DYNC2I1: variants seen among roughly 807,000 people sequenced by gnomAD.
DYNC2I1 encodes the protein dynein 2 intermediate chain 1, also known as cytoplasmic dynein 2 intermediate chain 1.
DYNC2I1 carries 89 observed loss-of-function variants against 133.4 expected under a neutral mutation model. That is an observed-to-expected ratio of 0.67 (90% CI 0.56 to 0.80). The LOEUF is 0.80. Ranked by LOEUF, DYNC2I1 falls within the 30% of genes least tolerant of loss-of-function variation. The pLI is 0.00. For synonymous variants in DYNC2I1, 504 were observed against 484.3 expected (o/e 1.04, Z -0.54); for missense variants, 1,291 against 1,314.5 (o/e 0.98, Z 0.28).
At chr7:158,865,838 C>T (rs191307046) in intron 1 of DYNC2I1, among the ~76,000 whole-genome samples, 13 of 152,172 alleles carry the variant, frequency 8.5e-5, no homozygotes, top group African/African-American at 2.7e-4. Context: ...AAGTGGGGAC[C>T]GACAGCACCG....
intron 20 of DYNC2I1, among the ~76,000 whole-genome samples, chr7:158,927,542 T>G (rs375041525): frequency 1.3e-5 from 2 of 150,736 alleles, no homozygotes; most frequent in African/African-American, 4.9e-5. Flanking sequence ...AATAATCAAA[T>G]GATATTCTGA....
At chr7:158,924,376 G>C (rs1244403428) in intron 17 of DYNC2I1, among the ~76,000 whole-genome samples, 3 of 152,228 alleles carry the variant, frequency 2.0e-5, no homozygotes, top group Non-Finnish European at 4.4e-5. Flanking sequence ...GTAGGGGTTG[G>C]GGCGCTGTGG....
At position 158,953,607 on chromosome 7, in the gene DYNC2I1, C is replaced by T. The variant is rs568180965; in HGVS notation, c.*57-2976C>T. Among the ~76,000 whole-genome samples, 55 of 152,128 alleles carry T rather than the reference C, an allele frequency of 3.6e-4. 2 individuals carry two copies. Among genetic ancestry groups the T allele is most frequent in the Admixed American group, 2.7e-3 (42 of 15,292 alleles). On this transcript the variant is annotated intron_variant and NMD_transcript_variant, in intron 4 of 4. Coordinates refer to the DYNC2I1 transcript ENST00000454771. ...CTCTACAAATAAACATAGCTGGGGG[C>T]GAATGGTGGCACACACCTCTAGTCC...
At chr7:158,897,582 T>C (rs973016714) in intron 8 of DYNC2I1, among the ~76,000 whole-genome samples, 3 of 152,224 alleles carry the variant, frequency 2.0e-5, no homozygotes, top group African/African-American at 7.2e-5. Flanking sequence ...GGATCTGCAG[T>C]GATGTCCTCT....
intron 8 of DYNC2I1, among the ~76,000 whole-genome samples, chr7:158,897,555 A>G (rs1006424891): frequency 6.6e-6 from 1 of 152,134 alleles, no homozygotes; most frequent in African/African-American, 2.4e-5. Context: ...TTACTTGATT[A>G]TCCTTTTAAT....
At chr7:158,910,488 G>A (rs1847312018) in intron 11 of DYNC2I1, among the ~76,000 whole-genome samples, 1 of 151,938 alleles carries the variant, frequency 6.6e-6, no homozygotes. Flanking sequence ...GCGATTGGCT[G>A]TGTCAGGCCT....
chr7:158,894,981 G>A (rs1845629398), intron 8 of DYNC2I1, among the ~76,000 whole-genome samples: 1 of 151,946 alleles, frequency 6.6e-6, no homozygotes, highest in Admixed American at 6.6e-5. Context: ...AGTGGAGTGG[G>A]GTGTCTGTTA....
the DYNC2I1 span, among the ~76,000 whole-genome samples, chr7:158,842,882 T>G: frequency 6.6e-6 from 1 of 152,342 alleles, no homozygotes; most frequent in Admixed American, 6.5e-5. Flanking sequence ...TATCTGTATT[T>G]TCTGTCTACA....
At chr7:158,912,389 T>C (rs1847569404) in intron 12 of DYNC2I1, among the ~76,000 whole-genome samples, 1 of 152,180 alleles carries the variant, frequency 6.6e-6, no homozygotes, top group Admixed American at 6.5e-5. Flanking sequence ...CTCAATAAAA[T>C]CCTTTTAAAA....
At chr7:158,913,853 C>T (rs903184535) in intron 13 of DYNC2I1, among the ~76,000 whole-genome samples, 5 of 152,252 alleles carry the variant, frequency 3.3e-5, no homozygotes, top group East Asian at 3.9e-4. Flanking sequence ...GGACTACAAG[C>T]GCCTGCTATC....
At chr7:158,871,975 G>T (rs1261293787) in intron 3 of DYNC2I1, among the ~76,000 whole-genome samples, 3 of 151,752 alleles carry the variant, frequency 2.0e-5, no homozygotes, top group African/African-American at 7.3e-5. Flanking sequence ...CTGTTGCGGG[G>T]TGTGTGTGTG....
intron 8 of DYNC2I1, among the ~76,000 whole-genome samples, chr7:158,898,268 G>T (rs569655279): frequency 7.2e-5 from 11 of 152,158 alleles, no homozygotes; most frequent in Non-Finnish European, 1.0e-4. Context: ...TGATGGTGCC[G>T]TGGAGTTCAG....
upstream of DYNC2I1, among the ~76,000 whole-genome samples, chr7:158,855,887 T>C (rs1327169317): frequency 1.3e-5 from 2 of 151,866 alleles, no homozygotes; most frequent in East Asian, 1.9e-4. Flanking sequence ...AGACGACATA[T>C]GGGAATATAA....
intron 7 of DYNC2I1, among the ~76,000 whole-genome samples, chr7:158,889,692 A>C (rs1563118628): frequency 3.3e-5 from 5 of 151,992 alleles, no homozygotes; most frequent in African/African-American, 7.2e-5. Flanking sequence ...ATCTATATAA[A>C]AACAACAACA....
intron 21 of DYNC2I1, among the ~76,000 whole-genome samples, chr7:158,933,498 G>T (rs3793192): frequency 6.6e-6 from 1 of 152,186 alleles, no homozygotes; most frequent in African/African-American, 2.4e-5. Context: ...CACTGCTCCT[G>T]CAGTGATAGG....
chr7:158,922,896 T>G (rs566444369), intron 16 of DYNC2I1, among the ~76,000 whole-genome samples: 6 of 152,204 alleles, frequency 3.9e-5, no homozygotes, highest in African/African-American at 1.4e-4. Context: ...CTTGCACTGT[T>G]TTGGTCCTGA....
chr7:158,947,665 G>A (rs891252251), downstream of DYNC2I1, among the ~76,000 whole-genome samples: 8 of 152,188 alleles, frequency 5.3e-5, no homozygotes, highest in African/African-American at 1.9e-4. Flanking sequence ...AGGACCATCT[G>A]CAGCTCAGTT....
chr7:158,913,043 A>G lies in DYNC2I1; in HGVS notation c.1649A>G (p.Glu550Gly), dbSNP rs1435464630. 1.2e-6 allele frequency: 2 copies of G among 1,613,672 alleles called. No individual in the cohort carries two copies. Among genetic ancestry groups the G allele is most frequent in the Non-Finnish European group, 1.7e-6 (2 of 1,179,714 alleles). Residue 550 changes from glutamate to glycine, a missense_variant, in exon 13 of 25, where the codon GAG becomes GGG. Glu to Gly is a moderately conservative substitution (Grantham distance 98, BLOSUM62 -2). Transcript: ENST00000407559. ...VERDIQTEEIETREVWTQHPG... is the reference protein window; with the variant it reads ...VERDIQTEEIGTREVWTQHPG... Reference sequence around the variant, plus strand: ...AGAGACATTCAAACGGAGGAAATAGAGACCAGGGAAGTGTGGACCCAGCAC... The same window carrying G: ...AGAGACATTCAAACGGAGGAAATAGGGACCAGGGAAGTGTGGACCCAGCAC...
At chr7:158,957,278 C>T (rs914725487), downstream of DYNC2I1, among the ~76,000 whole-genome samples, 5 of 152,234 alleles carry the variant, frequency 3.3e-5, no homozygotes, top group African/African-American at 7.2e-5. Context: ...CCAACCTCTG[C>T]GGCGCTGGCC....
Sources: allele counts gnomAD v4.1 joint callset (sites outside exome capture counted in the v4.1 genomes callset), GRCh38; gene constraint gnomAD v4.1.1; transcripts MANE v1.5; gene names NCBI Gene and HGNC (gene_info 2026-07-23, HGNC 2026-07-21).